ABR: variants seen among roughly 807,000 people sequenced by gnomAD.
The protein encoded by ABR is active breakpoint cluster region-related protein.
A neutral mutation model predicts 107.2 loss-of-function variants in ABR; 35 were observed. The ratio of observed to expected loss-of-function variants is 0.33; its 90% CI spans 0.25 to 0.43. The LOEUF is 0.43. Ranked by LOEUF, ABR falls within the 20% of genes least tolerant of loss-of-function variation. The probability of loss-of-function intolerance (pLI) is 1.00; values close to 1 mark genes in which losing one functional copy is unlikely to be tolerated. For missense variants in ABR, 815 were observed against 1,115.2 expected (o/e 0.73, Z 3.83); for synonymous variants, 498 against 462.0 (o/e 1.08, Z -1.00).
chr17:1,095,775 G>A (rs1250524662), intron 3 of ABR, among the ~76,000 whole-genome samples: 4 of 152,178 alleles, frequency 2.6e-5, no homozygotes, highest in Non-Finnish European at 4.4e-5. Flanking sequence ...GTCCCCCAGC[G>A]ACCGGCCTTT....
Position 1,071,900 on chromosome 17 carries a change from C to T in ABR, c.894+714G>A, listed in dbSNP as rs1203243587. 6.6e-6 allele frequency among the ~76,000 whole-genome samples: 1 copy of T among 152,206 alleles called. No individual in the cohort carries two copies. Among genetic ancestry groups the T allele is most frequent in the Non-Finnish European group, 1.5e-5 (1 of 68,034 alleles). ...CCCAGCCTCAGGTTCTTCTGGCTCA[C>T]TGGATTGTTATTATTATTTCTGAGA... On this transcript the variant is annotated intron_variant, in intron 8 of 22. Coordinates refer to ENST00000302538, the MANE Select transcript of ABR (RefSeq NM_021962.5). This position sits in a 1 kb window ranked among gnomAD's most constrained non-coding sequence, Gnocchi z 5.1.
chr17:1,099,036 C>T (rs2037690608), intron 3 of ABR, among the ~76,000 whole-genome samples: 1 of 152,032 alleles, frequency 6.6e-6, no homozygotes, highest in Admixed American at 6.6e-5. Context: ...ATCCACCCAC[C>T]TCGGCCTCCC....
At chr17:1,088,771 T>C (rs746487999) in intron 4 of ABR, among the ~76,000 whole-genome samples, 2 of 151,910 alleles carry the variant, frequency 1.3e-5, no homozygotes, top group Non-Finnish European at 2.9e-5. Context: ...GTATTTTTAG[T>C]AGAAACGGGG....
At position 1,049,456 on chromosome 17, in the gene ABR, G is replaced by A. The variant is rs116829265; in HGVS notation, c.1791+594C>T. Reference sequence around the variant, plus strand: ...GCTGGGATTACAGGCGTGAGCCACCGCACCCAGAAGCATAAATACCCTTAA... The same window carrying A: ...GCTGGGATTACAGGCGTGAGCCACCACACCCAGAAGCATAAATACCCTTAA... On this transcript the variant is annotated intron_variant, in intron 16 of 22. Transcript: ENST00000302538. Among the ~76,000 whole-genome samples the A allele has an allele frequency of 9.7e-3, 1,479 of 152,156 alleles. 26 individuals are homozygous for A. The highest frequency in any genetic ancestry group is 0.034 in the African/African-American group (1,392 of 41,488).
rs1217103805 is a variant in ABR at position 1,207,184 on chromosome 17, CA to C, written c.838+21608del. Among the ~76,000 whole-genome samples the C allele has an allele frequency of 4.6e-5, 7 of 151,542 alleles. 1 individual carries two copies. The East Asian group carries it at 5.8e-4, about 13-fold the overall frequency. ...GAAGGATTGCTTGAGCCCAGGAGTTCAAGGGTGCCAGTGAGCTGTGATTGTG... is the reference window on the plus strand; with the variant it reads ...GAAGGATTGCTTGAGCCCAGGAGTTCAGGGTGCCAGTGAGCTGTGATTGTG... On this transcript the variant is annotated intron_variant, in intron 1 of 22. Transcript: ENST00000574139.
chr17:1,024,305 G>A (rs1480427899), intron 16 of ABR, among the ~76,000 whole-genome samples: 2 of 152,206 alleles, frequency 1.3e-5, no homozygotes, highest in East Asian at 1.9e-4. Flanking sequence ...CTGACGGGCA[G>A]GAGCCCGGCG....
At chr17:1,197,198 T>A (rs1374899714) in intron 1 of ABR, among the ~76,000 whole-genome samples, 1 of 151,658 alleles carries the variant, frequency 6.6e-6, no homozygotes, top group African/African-American at 2.4e-5. Flanking sequence ...AAGGAGCACT[T>A]TAAGGAGAGT....
intron 11 of ABR, 38 bp from the exon 12 acceptor site, chr17:1,058,083 G>A: frequency 1.3e-6 from 2 of 1,504,968 alleles, no homozygotes; most frequent in Non-Finnish European, 1.8e-6. Flanking sequence ...GGTGACCACA[G>A]TCAGGCAAAG....
intron 16 of ABR, among the ~76,000 whole-genome samples, chr17:1,017,723 C>T (rs2071273189): frequency 6.6e-6 from 1 of 151,966 alleles, no homozygotes; most frequent in African/African-American, 2.4e-5. Flanking sequence ...CCACCTTGGC[C>T]TCCCAAAGTG....
rs553654693 is a variant in ABR at position 1,035,302 on chromosome 17, T to A, written c.1791+14748A>T. Among the ~76,000 whole-genome samples the A allele has an allele frequency of 8.0e-3, 1,181 of 147,684 alleles. 13 individuals carry two copies. The highest frequency in any genetic ancestry group is 0.029 in the African/African-American group (1,122 of 39,314). On this transcript the variant is annotated intron_variant, in intron 16 of 22. Coordinates refer to ENST00000302538, the MANE Select transcript of ABR (RefSeq NM_021962.5). The stretch of plus-strand genomic sequence containing the variant: ...TCCCAACCACCTGGGAAGGGGCCAC[T>A]CTCCTTCCTCCCTCACTCCTTCCAT...
At chr17:1,109,164 G>A in intron 2 of ABR, 1 of 1,384,852 alleles carries the variant, frequency 7.2e-7, no homozygotes, top group Non-Finnish European at 9.5e-7. Context: ...AGGGGGGGCA[G>A]GTCTACACCC....
At chr17:1,168,945 G>T (rs2041610566) in intron 1 of ABR, among the ~76,000 whole-genome samples, 1 of 152,224 alleles carries the variant, frequency 6.6e-6, no homozygotes, top group African/African-American at 2.4e-5. Context: ...AGCTGCCACG[G>T]GGTCTGCAAG....
intron 1 of ABR, among the ~76,000 whole-genome samples, chr17:1,165,839 C>T (rs536973561): frequency 9.9e-5 from 15 of 152,166 alleles, no homozygotes; most frequent in East Asian, 1.9e-4. Context: ...AGCCCCAAAA[C>T]GAAAATTTTC....
At chr17:1,091,623 C>A (rs376996657) in intron 4 of ABR, 42 bp downstream of exon 4, 5 of 1,589,910 alleles carry the variant, frequency 3.1e-6, no homozygotes, top group Non-Finnish European at 4.3e-6. Flanking sequence ...ATGGGCTCCA[C>A]TGAGGCCCTG....
chr17:1,099,956 T>C (rs12947657), intron 3 of ABR, among the ~76,000 whole-genome samples: 1 of 152,058 alleles, frequency 6.6e-6, no homozygotes, highest in Admixed American at 6.6e-5. Context: ...GATAAAATCC[T>C]GTCTCTACTA....
intron 1 of ABR, among the ~76,000 whole-genome samples, chr17:1,195,089 C>T (rs1318866332): frequency 7.7e-4 from 111 of 144,796 alleles, no homozygotes; most frequent in African/African-American, 2.7e-3. Context: ...GGGCGGATCA[C>T]GAGGTCAGGA....
chr17:1,219,267 C>T (rs949174865), intron 1 of ABR, among the ~76,000 whole-genome samples: 1 of 151,964 alleles, frequency 6.6e-6, no homozygotes, highest in Non-Finnish European at 1.5e-5. Flanking sequence ...AGGTCTCAAA[C>T]TCCTGAGCTC....
chr17:1,047,358 G>A (rs984907503), intron 16 of ABR, among the ~76,000 whole-genome samples: 13 of 152,246 alleles, frequency 8.5e-5, no homozygotes, highest in Admixed American at 2.6e-4. Context: ...CGTGGGGCCC[G>A]GGTTCGTGGG....
chr17:1,091,681 T>C lies in ABR; in HGVS notation c.515A>G (p.His172Arg). The stretch of plus-strand genomic sequence containing the variant: ...CAGACTCACCAGCTTCTGGAAGAGG[T>C]GGCCCATGGTGACCTGGCTGTCCCA... ...QQWDSQVTMG[H>R]LFQKLASQLG... is the part of the protein sequence containing the mutation. The change falls in exon 4 of 23, where the codon CAC becomes CGC. Residue 172 changes from histidine (H) to arginine (R), a missense_variant. Physicochemically the swap from His to Arg is conservative, Grantham distance 29. Transcript: ENST00000302538. The C allele has an allele frequency of 6.2e-7, 1 of 1,613,450 alleles. No individual in the cohort carries two copies. The highest frequency in any genetic ancestry group is 8.5e-7 in the Non-Finnish European group (1 of 1,179,652).
Sources: gnomAD v4.1 joint callset for allele counts (sites outside exome capture counted in the v4.1 genomes callset) on GRCh38, gnomAD v4.1.1 for gene constraint, Gnocchi (gnomAD v3.1) non-coding constraint, MANE v1.5 for transcripts, NCBI Gene and HGNC (gene_info 2026-07-23, HGNC 2026-07-21) for gene names.